AUTS2: variants seen among roughly 807,000 people sequenced by gnomAD.
AUTS2 encodes autism susceptibility gene 2 protein.
AUTS2 carries 17 observed loss-of-function variants against 112.4 expected under a neutral mutation model. That is an observed-to-expected ratio of 0.15 (90% CI 0.10 to 0.23). AUTS2 has a LOEUF of 0.23. Among genes scored for constraint, AUTS2 ranks in the 10% least tolerant of loss-of-function variants. The pLI, the probability that AUTS2 is intolerant of heterozygous loss-of-function variation, is 1.00. For synonymous variants in AUTS2, 751 were observed against 702.7 expected, an observed-to-expected ratio of 1.07 and a Z score of -1.09; for missense variants, 1,510 against 1,701.6, an observed-to-expected ratio of 0.89 and a Z score of 1.98.
chr7:70,651,778 A>C (rs1806520451), intron 5 of AUTS2, among the ~76,000 whole-genome samples: 2 of 152,216 alleles, frequency 1.3e-5, no homozygotes, highest in Admixed American at 6.5e-5. Flanking sequence ...ATTTATAGGC[A>C]AAATAGTGAG....
chr7:69,836,910 G>A (rs1182818513), intron 1 of AUTS2, among the ~76,000 whole-genome samples: 1 of 152,142 alleles, frequency 6.6e-6, no homozygotes, highest in African/African-American at 2.4e-5. Flanking sequence ...GGGGGAAATA[G>A]ACAAGAAAAC....
intron 4 of AUTS2, among the ~76,000 whole-genome samples, chr7:70,432,751 G>A (rs1043420267): frequency 3.9e-5 from 6 of 152,194 alleles, no homozygotes; most frequent in African/African-American, 1.4e-4. Context: ...ACCATCATTC[G>A]TCTCTGCCAG....
At chr7:70,617,588 G>C (rs1804441697) in intron 5 of AUTS2, among the ~76,000 whole-genome samples, 1 of 152,040 alleles carries the variant, frequency 6.6e-6, no homozygotes, top group Non-Finnish European at 1.5e-5. Flanking sequence ...GCATGAACCA[G>C]GGAGGCAGAG....
At chr7:70,404,671 T>C (rs140775784) in intron 4 of AUTS2, among the ~76,000 whole-genome samples, 3 of 152,344 alleles carry the variant, frequency 2.0e-5, no homozygotes, top group African/African-American at 4.8e-5. Context: ...GCTCTGCATA[T>C]GTGCAGAGGA....
intron 1 of AUTS2, among the ~76,000 whole-genome samples, chr7:69,818,049 T>C (rs1454462982): frequency 6.6e-6 from 1 of 152,028 alleles, no homozygotes; most frequent in East Asian, 1.9e-4. Context: ...GCTGTCAGAG[T>C]TGAGTTGGCC....
chr7:70,607,442 G>A (rs1014121404), intron 5 of AUTS2, among the ~76,000 whole-genome samples: 1 of 152,160 alleles, frequency 6.6e-6, no homozygotes. Flanking sequence ...GAGGTCTCAG[G>A]TGTTGGAAAA....
chr7:69,973,284 C>T (rs1445655394), intron 2 of AUTS2, among the ~76,000 whole-genome samples: 1 of 152,052 alleles, frequency 6.6e-6, no homozygotes, highest in Non-Finnish European at 1.5e-5. Flanking sequence ...TTTTTGTATC[C>T]TGTAACCTTG....
At chr7:70,305,298 C>T (rs541898425) in intron 4 of AUTS2, among the ~76,000 whole-genome samples, 3 of 152,000 alleles carry the variant, frequency 2.0e-5, no homozygotes, top group Non-Finnish European at 4.4e-5. Context: ...CCATAATGTC[C>T]TAGTGTTTGT....
chr7:70,790,040 C>G lies in AUTS2; in HGVS notation c.2824C>G (p.Pro942Ala), dbSNP rs766336613. Residue 942 changes from proline (P) to alanine (A), a missense_variant, in exon 19 of 19, where the codon CCC becomes GCC. By Grantham distance (27) the Pro-to-Ala change is conservative (BLOSUM62 -1). Transcript: ENST00000342771. The surrounding 1 kb of genome is among the most constrained non-coding windows in gnomAD (Gnocchi z 7.6). ...CAAGCAGCTGGCCCGGGTGCCGTCTCCCTACGTGCGGACCCCGGTGGTGGA... is the reference window on the plus strand; with the variant it reads ...CAAGCAGCTGGCCCGGGTGCCGTCTGCCTACGTGCGGACCCCGGTGGTGGA... Reference protein sequence around the residue: ...EAKQLARVPSPYVRTPVVESA... With the variant: ...EAKQLARVPSAYVRTPVVESA... The G allele has an allele frequency of 6.3e-7, 1 of 1,582,406 alleles. No homozygotes were observed. Among genetic ancestry groups the G allele is most frequent in the Non-Finnish European group, 8.6e-7 (1 of 1,165,442 alleles).
chr7:70,774,754 TAAC>T (rs1790580040), intron 12 of AUTS2: 1 of 152,590 alleles, frequency 6.6e-6, no homozygotes. Context: ...AAAAAATCTT[TAAC>T]AATATTGTCT....
chr7:70,064,109 A>G (rs542527232), intron 2 of AUTS2, among the ~76,000 whole-genome samples: 2 of 152,280 alleles, frequency 1.3e-5, no homozygotes, highest in African/African-American at 4.8e-5. Context: ...AAGGATTTGG[A>G]CTGTGTTCAG....
rs71068004 is a variant in AUTS2, at chr7:69,978,859, AACACACACAC to A, written c.522+79394_522+79403del. On this transcript the variant is annotated intron_variant, in intron 2 of 18. Coordinates refer to ENST00000342771, the MANE Select transcript of AUTS2 (RefSeq NM_015570.4). Reference sequence around the variant, plus strand: ...AAGACCCTGTCTGTCTCAAAGAAACAACACACACACACACACACACACACACACACACACA... The same window carrying A: ...AAGACCCTGTCTGTCTCAAAGAAACAACACACACACACACACACACACACA... Among the ~76,000 whole-genome samples, 985 of 129,694 alleles carry A rather than the reference AACACACACAC, an allele frequency of 7.6e-3. 6 individuals carry two copies. Among genetic ancestry groups the A allele is most frequent in the South Asian group, 0.016 (56 of 3,564 alleles). 85.1% of individuals were successfully genotyped at this position (129,694 alleles called of 152,430 possible).
intron 1 of AUTS2, among the ~76,000 whole-genome samples, chr7:69,698,571 A>G (rs628885): frequency 0.85 from 129,132 of 152,116 alleles, 55,063 homozygotes; most frequent in African/African-American, 0.93. Flanking sequence ...TATTCTGCCT[A>G]CTTTCCTGCA....
chr7:69,768,380 A>G (rs1391372119), intron 1 of AUTS2, among the ~76,000 whole-genome samples: 1 of 152,212 alleles, frequency 6.6e-6, no homozygotes, highest in East Asian at 1.9e-4. Context: ...AGTGGAGTAC[A>G]TTTCAGTTTC....
chr7:70,196,422 T>G (rs1288535736), intron 4 of AUTS2, among the ~76,000 whole-genome samples: 1 of 152,186 alleles, frequency 6.6e-6, no homozygotes. Flanking sequence ...TCTTGCTGAG[T>G]AGATGGACTG....
rs116053472 is a variant in AUTS2 at position 70,589,372 on chromosome 7, G to A, written c.691-109197G>A. ...CCTGGGCTAACAGGGAATCAAAAAT[G>A]ACCTTTTTGTGCACAAAACCCCCTG... is the stretch of plus-strand genomic sequence containing the variant. On this transcript the variant is annotated intron_variant, in intron 5 of 18. Coordinates refer to ENST00000342771, the MANE Select transcript of AUTS2 (RefSeq NM_015570.4). Among the ~76,000 whole-genome samples the A allele has an allele frequency of 9.4e-3, 1,407 of 150,320 alleles. 20 individuals carry two copies. Among genetic ancestry groups the A allele is most frequent in the African/African-American group, 0.033 (1,346 of 41,032 alleles).
intron 11 of AUTS2, 99 bp downstream of exon 11, chr7:70,771,743 T>C (rs2129558338): frequency 9.7e-7 from 1 of 1,032,744 alleles, no homozygotes; most frequent in Non-Finnish European, 1.5e-6. Context: ...GTGCAGTGAC[T>C]CATTAATCAG....
chr7:70,513,147 G>T (rs973588195), intron 5 of AUTS2, among the ~76,000 whole-genome samples: 1 of 152,228 alleles, frequency 6.6e-6, no homozygotes, highest in Non-Finnish European at 1.5e-5. Context: ...CACATGTTAT[G>T]TGGGGTTTTT....
At chr7:70,188,252 T>C (rs1809707706) in intron 4 of AUTS2, among the ~76,000 whole-genome samples, 1 of 152,214 alleles carries the variant, frequency 6.6e-6, no homozygotes, top group South Asian at 2.1e-4. Context: ...TAGGGTTTTA[T>C]CATTCCACAG....
Sources: gnomAD v4.1 joint callset for allele counts (sites outside exome capture counted in the v4.1 genomes callset) on GRCh38, gnomAD v4.1.1 for gene constraint, Gnocchi (gnomAD v3.1) non-coding constraint, MANE v1.5 for transcripts, NCBI Gene and HGNC (gene_info 2026-07-23, HGNC 2026-07-21) for gene names.